The following CAPN9 variants were observed in gnomAD, a reference collection of about 807,000 sequenced individuals.
CAPN9 encodes calpain 9, also known as calpain-9.
A neutral mutation model predicts 92.8 loss-of-function variants in CAPN9; 81 were observed. The ratio of observed to expected loss-of-function variants is 0.87; its 90% CI spans 0.73 to 1.05. The LOEUF is 1.05. Among genes scored for constraint, CAPN9 ranks in the 50% least tolerant of loss-of-function variants. The probability of loss-of-function intolerance (pLI) is 0.00; values close to 1 mark genes in which losing one functional copy is unlikely to be tolerated. For missense variants in CAPN9, 848 were observed against 866.2 expected, an observed-to-expected ratio of 0.98 and a Z score of 0.26; for synonymous variants, 304 against 328.0, an observed-to-expected ratio of 0.93 and a Z score of 0.79.
chr1:230,778,523 G>A (rs189613156), intron 8 of CAPN9, among the ~76,000 whole-genome samples: 1 of 152,162 alleles, frequency 6.6e-6, no homozygotes, highest in Admixed American at 6.5e-5. Flanking sequence ...CAGACACCTC[G>A]TGCCTTCCTG....
chr1:230,781,767 A>G (rs7553239), intron 11 of CAPN9, among the ~76,000 whole-genome samples: 33,204 of 152,182 alleles, frequency 0.22, 3,900 homozygotes, highest in African/African-American at 0.31. Context: ...AGCTGTGAAT[A>G]CATGACTCAC....
intron 8 of CAPN9, among the ~76,000 whole-genome samples, chr1:230,775,930 A>T (rs1195080898): frequency 2.0e-5 from 3 of 152,018 alleles, no homozygotes; most frequent in Non-Finnish European, 4.4e-5. Context: ...AAAAAAAAAA[A>T]AAAATACTAC....
intron 11 of CAPN9, among the ~76,000 whole-genome samples, chr1:230,783,080 C>A (rs1667337611): frequency 6.6e-6 from 1 of 152,324 alleles, no homozygotes; most frequent in African/African-American, 2.4e-5. Flanking sequence ...CACCCCCTCC[C>A]CAGTGCCTAC....
chr1:230,748,595 A>T (rs1444488622), intron 1 of CAPN9, among the ~76,000 whole-genome samples: 3 of 152,200 alleles, frequency 2.0e-5, no homozygotes, highest in Admixed American at 6.5e-5. Context: ...CTCACCTGTA[A>T]AATGGGAACA....
chr1:230,797,232 CTT>C (rs1188255203), intron 18 of CAPN9, among the ~76,000 whole-genome samples: 1 of 152,192 alleles, frequency 6.6e-6, no homozygotes, highest in East Asian at 1.9e-4. Flanking sequence ...ATCTTGCTAA[CTT>C]TTCCCTTGTG....
Position 230,762,850 on chromosome 1 carries a change from G to C in CAPN9, c.536+64G>C, listed in dbSNP as rs113902277. On this transcript the variant is annotated intron_variant, in intron 4 of 19. Coordinates refer to ENST00000271971, the MANE Select transcript of CAPN9 (RefSeq NM_006615.3). ...AGGAGTCTCTACACTAGTCTTTGTA[G>C]TGAGCATCTAAGGGCTGGGAAAAAA... The C allele has an allele frequency of 3.1e-5, 48 of 1,526,374 alleles. 1 individual carries two copies. In the African/African-American group the frequency reaches 4.6e-4, roughly 15 times the overall value. 94.6% of individuals were successfully genotyped at this position (1,526,374 alleles called of 1,614,324 possible).
At chr1:230,795,402 G>A (rs1247890909) in intron 18 of CAPN9, 123 bp downstream of exon 18, 1 of 657,420 alleles carries the variant, frequency 1.5e-6, no homozygotes, top group African/African-American at 1.8e-5. Context: ...GCCATGGTCT[G>A]ATGTGTGTGG....
chr1:230,801,888 T>G lies in CAPN9; in HGVS notation c.*292T>G. 1 of 462,736 alleles carries G rather than the reference T, an allele frequency of 2.2e-6. No individual in the cohort carries two copies. The highest frequency in any genetic ancestry group is 3.9e-6 in the Non-Finnish European group (1 of 258,058). The allele number at this position is 462,736 out of a possible 1,614,324, so 28.7% of individuals were successfully genotyped here. On this transcript the variant is annotated 3_prime_UTR_variant, in exon 20 of 20. Coordinates refer to ENST00000271971, the MANE Select transcript of CAPN9 (RefSeq NM_006615.3). ...CCCACACTCTACTTTCCTTATTTCC[T>G]TCCATTAAGAATTACTCAGAGTTCT... is the stretch of plus-strand genomic sequence containing the variant.
intron 14 of CAPN9, among the ~76,000 whole-genome samples, chr1:230,790,712 A>T (rs1359663633): frequency 6.6e-6 from 1 of 152,194 alleles, no homozygotes; most frequent in Non-Finnish European, 1.5e-5. Flanking sequence ...AGGCCGAGAC[A>T]GGCGGATCAC....
chr1:230,764,473 A>C (rs1665838940), intron 4 of CAPN9, among the ~76,000 whole-genome samples: 1 of 152,196 alleles, frequency 6.6e-6, no homozygotes, highest in African/African-American at 2.4e-5. Context: ...CTGGTTCTCC[A>C]GTTTGCAAAT....
chr1:230,790,245 A>G (rs1392526179), intron 14 of CAPN9, 56 bp downstream of exon 14: 10 of 1,603,726 alleles, frequency 6.2e-6, no homozygotes, highest in Non-Finnish European at 8.5e-6. Context: ...AAGCGACCAC[A>G]CTGCCTGGGT....
intron 18 of CAPN9, among the ~76,000 whole-genome samples, chr1:230,795,698 TAGAG>T (rs1668307446): frequency 1.3e-5 from 2 of 151,572 alleles, no homozygotes; most frequent in Non-Finnish European, 2.9e-5. Flanking sequence ...ACACCACAAA[TAGAG>T]AGGGATTATG....
intron 13 of CAPN9, among the ~76,000 whole-genome samples, chr1:230,788,042 A>G (rs1020191029): frequency 3.3e-5 from 5 of 152,136 alleles, no homozygotes; most frequent in African/African-American, 7.2e-5. Flanking sequence ...TAAATAATAA[A>G]GAGTCTTGCT....
intron 7 of CAPN9, among the ~76,000 whole-genome samples, chr1:230,773,332 G>A (rs902494133): frequency 2.6e-5 from 4 of 152,128 alleles, no homozygotes; most frequent in African/African-American, 9.7e-5. Context: ...TCCCTCTCCT[G>A]GCAGAAATGG....
At chr1:230,775,593 G>A (rs1454413100) in intron 8 of CAPN9, among the ~76,000 whole-genome samples, 1 of 152,104 alleles carries the variant, frequency 6.6e-6, no homozygotes, top group Non-Finnish European at 1.5e-5. Context: ...ATCAAGTCTT[G>A]CCTGAGCTCA....
chr1:230,753,849 C>CCTCA lies in CAPN9; in HGVS notation c.214-1485_214-1484insACTC, dbSNP rs1665025133. Among the ~76,000 whole-genome samples the CCTCA allele has an allele frequency of 1.6e-5, 2 of 125,350 alleles. 1 individual carries two copies. The highest frequency in any genetic ancestry group is 3.6e-5 in the Non-Finnish European group (2 of 56,208). 82.2% of individuals were successfully genotyped at this position (125,350 alleles called of 152,430 possible). On this transcript the variant is annotated intron_variant, in intron 1 of 19. Coordinates refer to ENST00000271971, the MANE Select transcript of CAPN9 (RefSeq NM_006615.3). ...CGAGACCGGCCCGGCTTCCTCCCTCCCTCCCTCCCTCCCTCCCTTTGTTTA... is the reference window on the plus strand; with the variant it reads ...CGAGACCGGCCCGGCTTCCTCCCTCCCTCACTCCCTCCCTCCCTCCCTTTGTTTA...
intron 1 of CAPN9, 105 bp from the exon 2 acceptor site, chr1:230,755,232 G>A (rs539597232): frequency 1.1e-6 from 1 of 873,188 alleles, no homozygotes. Context: ...ATCAAGCACA[G>A]GGAAAGCCCT....
chr1:230,751,863 G>C (rs1200666359), intron 1 of CAPN9, among the ~76,000 whole-genome samples: 2 of 148,062 alleles, frequency 1.4e-5, no homozygotes. Context: ...GGGTGGGGGA[G>C]GGGAGGGGGA....
intron 8 of CAPN9, among the ~76,000 whole-genome samples, chr1:230,777,273 T>G (rs28359674): frequency 1.3e-5 from 2 of 151,890 alleles, no homozygotes; most frequent in African/African-American, 4.8e-5. Flanking sequence ...AGAGCGTCCA[T>G]GTGAGTGATC....
Sources: gnomAD v4.1 joint callset for allele counts (sites outside exome capture counted in the v4.1 genomes callset) on GRCh38, gnomAD v4.1.1 for gene constraint, MANE v1.5 for transcripts, NCBI Gene and HGNC (gene_info 2026-07-23, HGNC 2026-07-21) for gene names.